Variants in C12orf42 observed in about 807,000 individuals in gnomAD.
C12orf42 encodes chromosome 12 open reading frame 42.
Under a neutral mutation model 21.6 loss-of-function variants are expected in C12orf42, and 25 were observed. The observed-to-expected ratio is 1.16, with a 90% CI of 0.84 to 1.62. The LOEUF is 1.62. Ranked by LOEUF, C12orf42 falls within the 40% of genes most tolerant of loss-of-function variation. C12orf42 has a pLI of 0.00. For missense variants in C12orf42, 483 were observed against 459.3 expected, an observed-to-expected ratio of 1.05 and a Z score of -0.47; for synonymous variants, 174 against 175.0, an observed-to-expected ratio of 0.99 and a Z score of 0.05.
chr12:103,417,635 C>T (rs2049477756), intron 2 of C12orf42, among the ~76,000 whole-genome samples: 1 of 152,216 alleles, frequency 6.6e-6, no homozygotes, highest in African/African-American at 2.4e-5. Flanking sequence ...ACCTAAGAGA[C>T]TGCTATTAAC....
At chr12:103,484,721 G>A (rs989716558) in intron 1 of C12orf42, among the ~76,000 whole-genome samples, 1 of 152,104 alleles carries the variant, frequency 6.6e-6, no homozygotes, top group African/African-American at 2.4e-5. Flanking sequence ...TTTTAGTCAT[G>A]AAGTCCTTCC....
the C12orf42 span, among the ~76,000 whole-genome samples, chr12:103,062,626 AC>A: frequency 0.012 from 1,777 of 151,630 alleles, 40 homozygotes; most frequent in African/African-American, 0.041. Flanking sequence ...TTTTGCACCA[AC>A]CTAATATAAC....
chr12:103,091,771 G>A, the C12orf42 span, among the ~76,000 whole-genome samples: 1 of 152,032 alleles, frequency 6.6e-6, no homozygotes, highest in African/African-American at 2.4e-5. Flanking sequence ...AAACAATAAT[G>A]GATTTCATTT....
chr12:103,137,863 C>A, the C12orf42 span, among the ~76,000 whole-genome samples: 2 of 151,820 alleles, frequency 1.3e-5, no homozygotes, highest in African/African-American at 4.8e-5. Flanking sequence ...CATGAGAGGC[C>A]AGGCAGGGTG....
intron 3 of C12orf42, among the ~76,000 whole-genome samples, chr12:103,390,573 G>GAA (rs1555280860): frequency 1.3e-5 from 2 of 152,102 alleles, no homozygotes; most frequent in Non-Finnish European, 2.9e-5. Flanking sequence ...GAACCGATAG[G>GAA]ATATATATAG....
the C12orf42 span, among the ~76,000 whole-genome samples, chr12:103,123,166 G>A: frequency 1.4e-3 from 215 of 152,256 alleles, no homozygotes; most frequent in African/African-American, 4.5e-3. Flanking sequence ...TATCGTGGTC[G>A]GTGTGGGCTT....
intron 2 of C12orf42, 135 bp downstream of exon 2, chr12:103,478,214 A>T: frequency 1.7e-6 from 1 of 604,838 alleles, no homozygotes; most frequent in Non-Finnish European, 2.8e-6. Context: ...GAGTATGGAT[A>T]AATATGGAAA....
At chr12:103,553,687 C>T in the C12orf42 span, among the ~76,000 whole-genome samples, 1 of 152,172 alleles carries the variant, frequency 6.6e-6, no homozygotes, top group Non-Finnish European at 1.5e-5. Flanking sequence ...AGTCCCCACC[C>T]CAGCCCCACC....
chr12:103,494,764 T>A (rs1427288249), intron 1 of C12orf42, among the ~76,000 whole-genome samples: 1 of 152,174 alleles, frequency 6.6e-6, no homozygotes, highest in African/African-American at 2.4e-5. Context: ...GCCTAGCAGT[T>A]TTCATGCCCT....
At chr12:103,501,666 A>T in the C12orf42 span, among the ~76,000 whole-genome samples, 1 of 152,184 alleles carries the variant, frequency 6.6e-6, no homozygotes, top group Admixed American at 6.5e-5. Context: ...TGCCATTTTC[A>T]TCACAGCCAT....
the C12orf42 span, among the ~76,000 whole-genome samples, chr12:103,232,319 C>T: frequency 1.3e-5 from 2 of 152,102 alleles, no homozygotes; most frequent in Admixed American, 1.3e-4. Flanking sequence ...TCAAATCCAG[C>T]TCACCGACTC....
chr12:103,268,039 A>G (rs890499232), downstream of C12orf42: 1 of 152,148 alleles, frequency 6.6e-6, no homozygotes, highest in Non-Finnish European at 1.5e-5. Flanking sequence ...TTGAAAATAC[A>G]CCTTCCTCTT....
chr12:103,084,702 A>T, the C12orf42 span, among the ~76,000 whole-genome samples: 1 of 152,200 alleles, frequency 6.6e-6, no homozygotes, highest in South Asian at 2.1e-4. Context: ...TGGTTAAAGC[A>T]CTAGCTTGTT....
intron 3 of C12orf42, among the ~76,000 whole-genome samples, chr12:103,393,438 C>T (rs977356248): frequency 1.3e-5 from 2 of 152,166 alleles, no homozygotes; most frequent in African/African-American, 4.8e-5. Context: ...CCAAACACCT[C>T]CCACCAGTCC....
intron 2 of C12orf42, among the ~76,000 whole-genome samples, chr12:103,469,324 T>A (rs1253411256): frequency 6.6e-6 from 1 of 152,266 alleles, no homozygotes; most frequent in Non-Finnish European, 1.5e-5. Flanking sequence ...TTTTCTTTTC[T>A]GATTATAAAA....
At chr12:103,060,053 A>G in the C12orf42 span, among the ~76,000 whole-genome samples, 3 of 152,188 alleles carry the variant, frequency 2.0e-5, no homozygotes, top group South Asian at 6.2e-4. Flanking sequence ...CTCTGTTTGC[A>G]GAAGACATGA....
At chr12:103,330,780 ATC>A (rs2041178501) in intron 4 of C12orf42, among the ~76,000 whole-genome samples, 1 of 152,190 alleles carries the variant, frequency 6.6e-6, no homozygotes, top group Non-Finnish European at 1.5e-5. Flanking sequence ...TGCAAGGACT[ATC>A]TATATTTACC....
At chr12:103,186,485 T>C in the C12orf42 span, among the ~76,000 whole-genome samples, 1 of 152,214 alleles carries the variant, frequency 6.6e-6, no homozygotes, top group Non-Finnish European at 1.5e-5. Context: ...TTTTTCATTA[T>C]GTTTAAAAGC....
At chr12:103,321,263 A>G (rs1343882194) in intron 4 of C12orf42, among the ~76,000 whole-genome samples, 3 of 151,668 alleles carry the variant, frequency 2.0e-5, no homozygotes, top group Admixed American at 6.6e-5. Context: ...CACATGAAAA[A>G]ATGCTCATCA....
Sources: gnomAD v4.1 joint callset for allele counts (sites outside exome capture counted in the v4.1 genomes callset) on GRCh38, gnomAD v4.1.1 for gene constraint, MANE v1.5 for transcripts, NCBI Gene and HGNC (gene_info 2026-07-23, HGNC 2026-07-21) for gene names.